Variants in CRB1 observed in about 807,000 individuals in gnomAD.
CRB1 encodes protein crumbs homolog 1.
CRB1 carries 83 observed loss-of-function variants against 120.0 expected under a neutral mutation model. The observed-to-expected ratio is 0.69, with a 90% confidence interval of 0.58 to 0.83. The LOEUF is 0.83. CRB1 is among the 40% of genes least tolerant of loss of function. The pLI is 0.00. For synonymous variants in CRB1, 625 were observed against 612.5 expected (o/e 1.02, Z -0.30); for missense variants, 1,699 against 1,687.6 (o/e 1.01, Z -0.12).
intron 1 of CRB1, among the ~76,000 whole-genome samples, chr1:197,290,304 GTT>G (rs1012266059): frequency 6.1e-5 from 9 of 147,388 alleles, no homozygotes; most frequent in Non-Finnish European, 1.1e-4. Context: ...GTGTGTGTGT[GTT>G]TGAAGAGAAG....
intron 8 of CRB1, among the ~76,000 whole-genome samples, chr1:197,433,350 G>A (rs1664968490): frequency 6.6e-6 from 1 of 152,136 alleles, no homozygotes; most frequent in South Asian, 2.1e-4. Flanking sequence ...TGGTGGTTGG[G>A]TGTAGTGCCT....
At chr1:197,406,385 G>A (rs1026192990) in intron 5 of CRB1, among the ~76,000 whole-genome samples, 1 of 152,094 alleles carries the variant, frequency 6.6e-6, no homozygotes, top group Non-Finnish European at 1.5e-5. Flanking sequence ...CAGCATGCTC[G>A]TTAAGAGTCA....
chr1:197,386,990 C>T (rs1662248815), intron 5 of CRB1, among the ~76,000 whole-genome samples: 1 of 152,160 alleles, frequency 6.6e-6, no homozygotes, highest in Non-Finnish European at 1.5e-5. Flanking sequence ...AGTTAACAGT[C>T]TTCCCTGATA....
chr1:197,394,995 C>T (rs150607240), intron 5 of CRB1, among the ~76,000 whole-genome samples: 22 of 152,172 alleles, frequency 1.4e-4, no homozygotes, highest in African/African-American at 5.1e-4. Flanking sequence ...CAAGGAGCAT[C>T]GTTTGTACCA....
In CRB1 at chr1:197,319,297, G is replaced by A. The variant is rs188145238; in HGVS notation, c.71-9125G>A. Among the ~76,000 whole-genome samples the A allele has an allele frequency of 3.4e-3, 455 of 134,782 alleles. 4 individuals carry two copies. Among genetic ancestry groups the A allele is most frequent in the East Asian group, 0.028 (127 of 4,600 alleles). The allele number at this position is 134,782 out of a possible 152,430, so 88.4% of individuals were successfully genotyped here. On this transcript the variant is annotated intron_variant, in intron 1 of 11. Coordinates refer to ENST00000367400, the MANE Select transcript of CRB1 (RefSeq NM_201253.3). ...AAAAAAATTAGCCGGACGTGGTGGCGGGTGCCTGTAGTCCCAGCTACTTGG... is the reference window on the plus strand; with the variant it reads ...AAAAAAATTAGCCGGACGTGGTGGCAGGTGCCTGTAGTCCCAGCTACTTGG...
In CRB1 at chr1:197,453,860, T is replaced by C. The variant is rs1447604352; in HGVS notation, c.4005+11568T>C. ...TATTATCAATATTATTATTAATATA[T>C]ATTAATATTATTAATAATATATATT... is the stretch of plus-strand genomic sequence containing the variant. On this transcript the variant is annotated intron_variant, in intron 11 of 11. Coordinates refer to ENST00000367400, the MANE Select transcript of CRB1 (RefSeq NM_201253.3). 3.6e-5 allele frequency among the ~76,000 whole-genome samples: 5 copies of C among 138,666 alleles called. No homozygotes were observed. The South Asian group carries it at 6.4e-4, about 18-fold the overall frequency. 91.0% of individuals were successfully genotyped at this position (138,666 alleles called of 152,430 possible).
chr1:197,250,664 G>T, the CRB1 span, among the ~76,000 whole-genome samples: 1 of 151,954 alleles, frequency 6.6e-6, no homozygotes, highest in African/African-American at 2.4e-5. Context: ...TGTTCAAGCT[G>T]GTGTTTGTTG....
At chr1:197,222,247 C>T in the CRB1 span, 1 of 517,500 alleles carries the variant, frequency 1.9e-6, no homozygotes, top group African/African-American at 1.9e-5. Context: ...GTGCTCCTGT[C>T]GTTGGTGGCG....
Position 197,435,211 on chromosome 1 carries a change from C to T in CRB1, c.3348C>T (p.Phe1116=). Residue 1116 remains phenylalanine (F), a synonymous_variant, in exon 9 of 12, where the codon TTC becomes TTT. Coordinates refer to ENST00000367400, the MANE Select transcript of CRB1 (RefSeq NM_201253.3). ...CTTACTTTGAAAATGTTCATGGTTT[C>T]ATTAATAAACCTCAGGAAGAGCAAT... ...YLSYFENVHG[F]INKPQEEQFL... is the part of the protein sequence containing the mutation. 1.2e-6 allele frequency: 2 copies of T among 1,613,912 alleles called. No homozygotes were observed. The highest frequency in any genetic ancestry group is 1.7e-6 in the Non-Finnish European group (2 of 1,179,868).
At chr1:197,473,962 T>G (rs778576412) in intron 11 of CRB1, among the ~76,000 whole-genome samples, 2 of 152,174 alleles carry the variant, frequency 1.3e-5, no homozygotes, top group African/African-American at 2.4e-5. Flanking sequence ...TGACATGCCC[T>G]ATTTGATACA....
the CRB1 span, among the ~76,000 whole-genome samples, chr1:197,236,536 G>A: frequency 6.6e-6 from 1 of 152,106 alleles, no homozygotes; most frequent in African/African-American, 2.4e-5. Context: ...TGCACTGGCT[G>A]AAACTTTCAG....
chr1:197,436,317 A>G (rs1166655417), intron 9 of CRB1, among the ~76,000 whole-genome samples: 1 of 152,108 alleles, frequency 6.6e-6, no homozygotes, highest in African/African-American at 2.4e-5. Context: ...ATTGATCATC[A>G]AAGATCTTTA....
chr1:197,304,372 G>A (rs1337580899), intron 1 of CRB1: 1 of 979,274 alleles, frequency 1.0e-6, no homozygotes, highest in Non-Finnish European at 1.2e-6. Flanking sequence ...CACATCTAGG[G>A]AGGACACATC....
At chr1:197,281,313 TA>T (rs1157156078) in intron 1 of CRB1, among the ~76,000 whole-genome samples, 4 of 151,866 alleles carry the variant, frequency 2.6e-5, no homozygotes, top group Non-Finnish European at 4.4e-5. Flanking sequence ...TGAATTATCT[TA>T]TACTAGAGTT....
At chr1:197,424,291 G>A (rs560641590) in intron 6 of CRB1, among the ~76,000 whole-genome samples, 1 of 152,222 alleles carries the variant, frequency 6.6e-6, no homozygotes, top group Admixed American at 6.5e-5. Flanking sequence ...AAATAGAATA[G>A]GATTTGCCCG....
At chr1:197,442,490 T>C in intron 11 of CRB1, 198 bp downstream of exon 11, 1 of 1,490,272 alleles carries the variant, frequency 6.7e-7, no homozygotes, top group South Asian at 1.3e-5. Flanking sequence ...TCATTTTAGA[T>C]CTCTGGGGAA....
At chr1:197,474,362 A>G (rs1667111721) in intron 11 of CRB1, among the ~76,000 whole-genome samples, 1 of 152,208 alleles carries the variant, frequency 6.6e-6, no homozygotes, top group Admixed American at 6.5e-5. Flanking sequence ...CTGACCTCTT[A>G]ACCACTTCAT....
chr1:197,218,185 A>G, the CRB1 span, among the ~76,000 whole-genome samples: 1 of 152,204 alleles, frequency 6.6e-6, no homozygotes, highest in African/African-American at 2.4e-5. Context: ...CTTGCCACCT[A>G]TGCCGGGCAA....
chr1:197,417,972 C>A (rs1461963673), intron 5 of CRB1, among the ~76,000 whole-genome samples: 1 of 151,386 alleles, frequency 6.6e-6, no homozygotes, highest in Non-Finnish European at 1.5e-5. Flanking sequence ...ATTCTTATTG[C>A]TTTGTTTTTT....
Sources: gnomAD v4.1 joint callset for allele counts (sites outside exome capture counted in the v4.1 genomes callset) on GRCh38, gnomAD v4.1.1 for gene constraint, MANE v1.5 for transcripts, NCBI Gene and HGNC (gene_info 2026-07-23, HGNC 2026-07-21) for gene names.